The following SCML4 variants were observed in gnomAD, a reference collection of about 807,000 sequenced individuals.
SCML4 encodes the protein Scm polycomb group protein like 4.
SCML4 carries 34 observed loss-of-function variants against 41.1 expected under a neutral mutation model. The ratio of observed to expected loss-of-function variants is 0.83; its 90% CI spans 0.63 to 1.10. The LOEUF (loss-of-function observed/expected upper bound fraction) is 1.10. Among genes scored for constraint, SCML4 ranks in the 50% least tolerant of loss-of-function variants. SCML4 has a pLI of 0.00. For missense variants in SCML4, 522 were observed against 534.1 expected, an observed-to-expected ratio of 0.98 and a Z score of 0.22; for synonymous variants, 214 against 220.9, an observed-to-expected ratio of 0.97 and a Z score of 0.28.
intron 3 of SCML4, among the ~76,000 whole-genome samples, chr6:107,749,479 A>G (rs568739432): frequency 6.6e-6 from 1 of 152,254 alleles, no homozygotes; most frequent in South Asian, 2.1e-4. Context: ...CTGAAAACCA[A>G]GTTTTAAATA....
intron 1 of SCML4, among the ~76,000 whole-genome samples, chr6:107,775,316 G>A (rs949112444): frequency 6.6e-6 from 1 of 152,100 alleles, no homozygotes; most frequent in Non-Finnish European, 1.5e-5. Flanking sequence ...CTCTGACCCC[G>A]CTAGGGTTTC....
intron 1 of SCML4, among the ~76,000 whole-genome samples, chr6:107,800,760 A>C (rs1426765030): frequency 1.3e-5 from 2 of 152,186 alleles, no homozygotes; most frequent in Non-Finnish European, 2.9e-5. Flanking sequence ...GGTCCTGTCA[A>C]TAGAGGGCAT....
intron 1 of SCML4, among the ~76,000 whole-genome samples, chr6:107,795,755 C>T (rs1191420280): frequency 6.6e-6 from 1 of 152,136 alleles, no homozygotes; most frequent in Non-Finnish European, 1.5e-5. Context: ...TCTCAAACTG[C>T]TCACCTCATG....
chr6:107,721,302 G>A (rs190583428), intron 5 of SCML4, among the ~76,000 whole-genome samples: 94 of 152,144 alleles, frequency 6.2e-4, no homozygotes, highest in South Asian at 1.0e-3. Flanking sequence ...AGTGGCTCCC[G>A]TCTGTAATCC....
At chr6:107,766,729 C>T (rs4946860) in intron 2 of SCML4, among the ~76,000 whole-genome samples, 47,825 of 151,986 alleles carry the variant, frequency 0.31, 10,992 homozygotes, top group African/African-American at 0.65. Context: ...TGCATGGGCA[C>T]TGGGGGGTAG....
intron 1 of SCML4, among the ~76,000 whole-genome samples, chr6:107,800,477 G>A (rs1160564756): frequency 6.6e-6 from 1 of 152,104 alleles, no homozygotes; most frequent in Non-Finnish European, 1.5e-5. Context: ...ACTCCTGCAG[G>A]AGTCCCAGGA....
intron 6 of SCML4, among the ~76,000 whole-genome samples, chr6:107,712,798 C>T (rs565553297): frequency 1.3e-5 from 2 of 152,314 alleles, no homozygotes; most frequent in African/African-American, 4.8e-5. Context: ...TCTCCAGCTG[C>T]AGCGAAGGTG....
At chr6:107,779,934 G>A (rs1781353304) in intron 1 of SCML4, among the ~76,000 whole-genome samples, 1 of 152,152 alleles carries the variant, frequency 6.6e-6, no homozygotes, top group Non-Finnish European at 1.5e-5. Context: ...GTTTCATCAA[G>A]CACTGATTAC....
rs574755996 is a variant in SCML4 at position 107,780,754 on chromosome 6, G to A, written c.-59-8368C>T. ...ACTTAAAAAAAAAAAACCAGGACTC[G>A]TCAGAGATGACTGATTTCATATCTT... On this transcript the variant is annotated intron_variant, in intron 1 of 7. Transcript: ENST00000369020. Among the ~76,000 whole-genome samples, 8 of 151,662 alleles carry A rather than the reference G, an allele frequency of 5.3e-5. No homozygotes were observed. The East Asian group carries it at 7.7e-4, about 15-fold the overall frequency.
chr6:107,823,069 G>T (rs890571493), intron 1 of SCML4, among the ~76,000 whole-genome samples: 1 of 151,430 alleles, frequency 6.6e-6, no homozygotes, highest in Admixed American at 6.6e-5. Context: ...TTCAAAAATG[G>T]TTCCTCTGGT....
At chr6:107,712,091 C>T (rs1196907146) in intron 6 of SCML4, among the ~76,000 whole-genome samples, 1 of 152,152 alleles carries the variant, frequency 6.6e-6, no homozygotes, top group African/African-American at 2.4e-5. Context: ...CCGATCCACA[C>T]TTATTAAAGA....
chr6:107,771,901 T>C (rs1196376053), intron 2 of SCML4, among the ~76,000 whole-genome samples: 3 of 152,228 alleles, frequency 2.0e-5, no homozygotes, highest in Non-Finnish European at 4.4e-5. Context: ...AATGTGTGTT[T>C]AGCGATGACC....
intron 1 of SCML4, among the ~76,000 whole-genome samples, chr6:107,803,014 G>A (rs1287978475): frequency 4.0e-5 from 6 of 151,658 alleles, no homozygotes; most frequent in Admixed American, 6.6e-5. Flanking sequence ...CCGAGGTGCC[G>A]GGATGGCAGA....
chr6:107,734,993 A>G (rs1372663533), intron 5 of SCML4, among the ~76,000 whole-genome samples: 2 of 152,166 alleles, frequency 1.3e-5, no homozygotes, highest in Non-Finnish European at 2.9e-5. Flanking sequence ...CTCCTCCCTC[A>G]GCCTCCCGAG....
chr6:107,712,825 G>A (rs1055433810), intron 6 of SCML4, among the ~76,000 whole-genome samples: 3 of 152,188 alleles, frequency 2.0e-5, no homozygotes, highest in South Asian at 2.1e-4. Context: ...AGACAGATGG[G>A]TGGAGCCTGG....
In SCML4 at chr6:107,746,838, T is replaced by C; in HGVS notation, c.338A>G (p.Lys113Arg). The C allele has an allele frequency of 6.2e-7, 1 of 1,614,068 alleles. No individual in the cohort carries two copies. The highest frequency in any genetic ancestry group is 8.5e-7 in the Non-Finnish European group (1 of 1,179,978). ...QANAGPYLER[K>R]KVQQLPEHFG... ...ATGCTCCGGGAGCTGCTGCACCTTCTTCCTCTCCAGATAGGGCCCCGCATT... is the reference window on the plus strand; with the variant it reads ...ATGCTCCGGGAGCTGCTGCACCTTCCTCCTCTCCAGATAGGGCCCCGCATT... Residue 113 changes from lysine to arginine, a missense_variant, in exon 4 of 8, where the codon AAG becomes AGG. Lys to Arg is a conservative substitution (Grantham distance 26). Transcript: ENST00000369020.
intron 1 of SCML4, among the ~76,000 whole-genome samples, chr6:107,778,330 T>C (rs1333626431): frequency 6.8e-6 from 1 of 147,886 alleles, no homozygotes; most frequent in Non-Finnish European, 1.5e-5. Flanking sequence ...CTTTCAATTG[T>C]GGACTTCAGT....
intron 3 of SCML4, 77 bp from the exon 4 acceptor site, chr6:107,746,966 G>A (rs953244730): frequency 8.0e-7 from 1 of 1,254,002 alleles, no homozygotes; most frequent in Non-Finnish European, 1.1e-6. Context: ...GTACACGGGG[G>A]ATGCCTCAGC....
chr6:107,778,990 C>T (rs1361562836), intron 1 of SCML4, among the ~76,000 whole-genome samples: 1 of 152,016 alleles, frequency 6.6e-6, no homozygotes, highest in Non-Finnish European at 1.5e-5. Flanking sequence ...ACCATCCTGG[C>T]TAACACCGTG....
Sources: gnomAD v4.1 joint callset for allele counts (sites outside exome capture counted in the v4.1 genomes callset) on GRCh38, gnomAD v4.1.1 for gene constraint, MANE v1.5 for transcripts, NCBI Gene and HGNC (gene_info 2026-07-23, HGNC 2026-07-21) for gene names.